Variants in ALCAM observed in about 807,000 individuals in gnomAD.
ALCAM encodes CD166 antigen.
A neutral mutation model predicts 70.9 loss-of-function variants in ALCAM; 30 were observed. The observed-to-expected ratio is 0.42, with a 90% CI of 0.32 to 0.57. The LOEUF (loss-of-function observed/expected upper bound fraction) is 0.57. ALCAM is among the 20% of genes least tolerant of loss of function. The pLI is 0.11. For synonymous variants in ALCAM, 249 were observed against 242.5 expected (o/e 1.03, Z -0.25); for missense variants, 591 against 695.1 (o/e 0.85, Z 1.68).
chr3:105,548,024 C>T (rs1487337654), intron 11 of ALCAM, among the ~76,000 whole-genome samples: 1 of 151,412 alleles, frequency 6.6e-6, no homozygotes, highest in Non-Finnish European at 1.5e-5. Flanking sequence ...TGTGGTCTGA[C>T]ATGCCTATGC....
chr3:105,454,732 G>C (rs753011268), intron 1 of ALCAM, among the ~76,000 whole-genome samples: 1 of 125,248 alleles, frequency 8.0e-6, no homozygotes, highest in African/African-American at 3.1e-5. Flanking sequence ...GCAGTGGCGC[G>C]ATCTCCGATC....
rs552997176 is a variant in ALCAM at position 105,488,299 on chromosome 3, C to T, written c.74-31768C>T. On this transcript the variant is annotated intron_variant, in intron 1 of 15. Coordinates refer to ENST00000306107, the MANE Select transcript of ALCAM (RefSeq NM_001627.4). ...CTCTTTTCTTTATAAATTACCCAGC[C>T]TAACAAACAGACTAAGACAGCCATC... Among the ~76,000 whole-genome samples, 10 of 152,184 alleles carry T rather than the reference C, an allele frequency of 6.6e-5. No homozygotes were observed. In the East Asian group the frequency reaches 1.6e-3, roughly 24 times the overall value.
intron 8 of ALCAM, among the ~76,000 whole-genome samples, chr3:105,542,175 C>A (rs113735602): frequency 6.6e-6 from 1 of 151,804 alleles, no homozygotes; most frequent in African/African-American, 2.4e-5. Flanking sequence ...CAAACTCAGA[C>A]AATACAAAGT....
At position 105,520,064 on chromosome 3, in the gene ALCAM, A is replaced by C; in HGVS notation, c.74-3A>C. On this transcript the variant is annotated splice_region_variant and splice_polypyrimidine_tract_variant and intron_variant, in intron 1 of 15. Coordinates refer to ENST00000306107, the MANE Select transcript of ALCAM (RefSeq NM_001627.4). ...CTTCTTCCTTTTTTTTTTTCCCCCA[A>C]AGGCCTTGGATGGTATACTGTAAAT... 2 of 1,571,750 alleles carry C rather than the reference A, an allele frequency of 1.3e-6. No homozygotes were observed. Among genetic ancestry groups the C allele is most frequent in the Non-Finnish European group, 8.7e-7 (1 of 1,155,746 alleles).
intron 1 of ALCAM, among the ~76,000 whole-genome samples, chr3:105,465,231 TA>T (rs1308352889): frequency 1.3e-5 from 2 of 151,238 alleles, no homozygotes; most frequent in Non-Finnish European, 3.0e-5. Flanking sequence ...TTTGAAAGAG[TA>T]AAAACATCTT....
intron 12 of ALCAM, 106 bp from the exon 13 acceptor site, chr3:105,552,038 G>T: frequency 1.0e-5 from 7 of 676,542 alleles, no homozygotes; most frequent in South Asian, 5.5e-5. Context: ...CTATAGAATA[G>T]ACATTTTATC....
At chr3:105,554,672 T>C (rs1394246649) in intron 14 of ALCAM, among the ~76,000 whole-genome samples, 1 of 151,910 alleles carries the variant, frequency 6.6e-6, no homozygotes. Context: ...CTATAGAAAA[T>C]TCGGAAGACC....
intron 1 of ALCAM, among the ~76,000 whole-genome samples, chr3:105,456,513 T>C (rs1937537242): frequency 6.6e-6 from 1 of 152,196 alleles, no homozygotes; most frequent in Non-Finnish European, 1.5e-5. Context: ...TCATAGTTTG[T>C]GTGATAATTC....
At chr3:105,499,946 G>A (rs554152263) in intron 1 of ALCAM, among the ~76,000 whole-genome samples, 2 of 152,088 alleles carry the variant, frequency 1.3e-5, no homozygotes, top group Non-Finnish European at 2.9e-5. Flanking sequence ...TAATAAATAC[G>A]GGAGCCTTTA....
At chr3:105,424,647 A>G (rs140650008) in intron 1 of ALCAM, among the ~76,000 whole-genome samples, 19 of 151,794 alleles carry the variant, frequency 1.3e-4, no homozygotes, top group East Asian at 9.7e-4. Flanking sequence ...ATATTTAGGT[A>G]TGTCTTAAGA....
intron 14 of ALCAM, among the ~76,000 whole-genome samples, chr3:105,563,200 T>C (rs2152634496): frequency 7.4e-6 from 1 of 135,714 alleles, no homozygotes; most frequent in East Asian, 2.0e-4. Flanking sequence ...TATTGACATT[T>C]TTGCAAAAAA....
intron 1 of ALCAM, among the ~76,000 whole-genome samples, chr3:105,442,552 C>CG (rs948261580): frequency 3.3e-5 from 5 of 151,980 alleles, no homozygotes; most frequent in African/African-American, 9.7e-5. Flanking sequence ...GAGGCTGAGG[C>CG]GGGTGGATCA....
intron 9 of ALCAM, among the ~76,000 whole-genome samples, chr3:105,545,746 G>T (rs955125377): frequency 3.3e-5 from 5 of 151,376 alleles, no homozygotes; most frequent in African/African-American, 1.2e-4. Flanking sequence ...TTCATATAAA[G>T]AAATTGAAGG....
At chr3:105,572,402 A>T (rs932911984) in intron 15 of ALCAM, among the ~76,000 whole-genome samples, 1 of 152,172 alleles carries the variant, frequency 6.6e-6, no homozygotes, top group South Asian at 2.1e-4. Flanking sequence ...GTCCTTACAA[A>T]GGACATGAAC....
intron 14 of ALCAM, among the ~76,000 whole-genome samples, chr3:105,564,212 CCTTA>C (rs1056346573): frequency 4.6e-5 from 7 of 151,840 alleles, no homozygotes; most frequent in Non-Finnish European, 1.0e-4. Context: ...ATATTCTTAC[CCTTA>C]CTTACTTCTT....
chr3:105,541,118 T>C (rs1209843341), intron 7 of ALCAM, among the ~76,000 whole-genome samples: 3 of 151,778 alleles, frequency 2.0e-5, no homozygotes, highest in Non-Finnish European at 4.4e-5. Context: ...TTAATTTCTT[T>C]TTTTCTTTTG....
chr3:105,462,690 A>G (rs1937621099), intron 1 of ALCAM, among the ~76,000 whole-genome samples: 1 of 151,404 alleles, frequency 6.6e-6, no homozygotes, highest in South Asian at 2.1e-4. Flanking sequence ...AAAGTTAATA[A>G]AACATCTAAG....
chr3:105,479,999 A>T (rs1293895002), intron 1 of ALCAM, among the ~76,000 whole-genome samples: 1 of 152,156 alleles, frequency 6.6e-6, no homozygotes, highest in Non-Finnish European at 1.5e-5. Context: ...TTCCATCCAA[A>T]CAATCTGAAT....
At chr3:105,426,509 A>C (rs567240076) in intron 1 of ALCAM, among the ~76,000 whole-genome samples, 1 of 151,898 alleles carries the variant, frequency 6.6e-6, no homozygotes, top group Non-Finnish European at 1.5e-5. Flanking sequence ...TGAGAATATT[A>C]AAAAAGTCTC....
Sources: gnomAD v4.1 joint callset for allele counts (sites outside exome capture counted in the v4.1 genomes callset) on GRCh38, gnomAD v4.1.1 for gene constraint, MANE v1.5 for transcripts, NCBI Gene and HGNC (gene_info 2026-07-23, HGNC 2026-07-21) for gene names.